The following DEAF1 variants were observed in gnomAD, a reference collection of about 807,000 sequenced individuals.
DEAF1 encodes the protein DEAF1 transcription factor, also known as deformed epidermal autoregulatory factor 1 homolog.
A neutral mutation model predicts 58.9 loss-of-function variants in DEAF1; 53 were observed. The observed-to-expected ratio is 0.90, with a 90% CI of 0.72 to 1.13. The LOEUF is 1.13. Among genes scored for constraint, DEAF1 ranks in the 50% most tolerant of loss-of-function variants. DEAF1 has a pLI of 0.00. For synonymous variants in DEAF1, 385 were observed against 340.4 expected, an observed-to-expected ratio of 1.13 and a Z score of -1.44; for missense variants, 685 against 791.4, an observed-to-expected ratio of 0.87 and a Z score of 1.61.
chr11:677,748 T>A (rs1456417628), intron 9 of DEAF1, among the ~76,000 whole-genome samples: 2,880 of 52,808 alleles, frequency 0.055, 460 homozygotes, highest in East Asian at 0.14. Context: ...AGGTCAGGAG[T>A]TTGAGACCAG....
chr11:702,170 A>G (rs1175109961), intron 1 of DEAF1, among the ~76,000 whole-genome samples: 3 of 152,100 alleles, frequency 2.0e-5, no homozygotes, highest in African/African-American at 4.8e-5. Flanking sequence ...GGCCTCAGAC[A>G]CACTAGGAGG....
upstream of DEAF1, among the ~76,000 whole-genome samples, chr11:696,870 G>C (rs549341920): frequency 1.9e-4 from 29 of 149,542 alleles, no homozygotes; most frequent in Non-Finnish European, 8.9e-5. Flanking sequence ...ACCTGAGGTC[G>C]AGGGTTCAAG....
chr11:691,449 G>GC (rs1006670567), intron 2 of DEAF1, 52 bp downstream of exon 2: 1 of 1,543,630 alleles, frequency 6.5e-7, no homozygotes, highest in African/African-American at 1.4e-5. Flanking sequence ...GAAGCCGGAG[G>GC]CCCCCAGCGT....
At chr11:684,121 C>CT (rs1491443102) in intron 6 of DEAF1, among the ~76,000 whole-genome samples, 2 of 96,990 alleles carry the variant, frequency 2.1e-5, no homozygotes, top group Admixed American at 1.1e-4. Flanking sequence ...TCTCTCCATG[C>CT]TCTTTTTTTT....
intron 10 of DEAF1, among the ~76,000 whole-genome samples, chr11:660,642 C>A (rs1859280544): frequency 6.6e-6 from 1 of 152,232 alleles, no homozygotes; most frequent in Non-Finnish European, 1.5e-5. Flanking sequence ...CGCCAGCAAC[C>A]CTCGCTCACT....
rs896434325 is a variant in DEAF1, at chr11:644,271, G to A, written c.*279C>T. On this transcript the variant is annotated 3_prime_UTR_variant, in exon 12 of 12. Transcript: ENST00000382409. This position sits in a 1 kb window ranked among gnomAD's most constrained non-coding sequence, Gnocchi z 4.3. ...CTTTATTGACAGACACAACACGTATGTATGTGCGTCGCAGCACAGGCCCTG... is the reference window on the plus strand; with the variant it reads ...CTTTATTGACAGACACAACACGTATATATGTGCGTCGCAGCACAGGCCCTG... 5.5e-6 allele frequency: 3 copies of A among 549,524 alleles called. No homozygotes were observed. The highest frequency in any genetic ancestry group is 9.9e-6 in the Non-Finnish European group (3 of 303,312). The allele number at this position is 549,524 out of a possible 1,614,324, so 34.0% of individuals were successfully genotyped here.
rs769130155 is a variant in DEAF1 at position 644,555 on chromosome 11, C to A, written c.1693G>T (p.Val565Leu). ...VAESVMEKVTV is the reference protein window; with the variant it reads ...VAESVMEKVTL The stretch of plus-strand genomic sequence containing the variant: ...CCAGGGCGGCCGATGGAGCCTCACA[C>A]GGTCACCTTCTCCATCACGCTTTCA... The change falls in exon 12 of 12, where the codon GTG becomes TTG. Residue 565 changes from valine (V) to leucine (L), a missense_variant. Coordinates refer to ENST00000382409, the MANE Select transcript of DEAF1 (RefSeq NM_021008.4). The surrounding 1 kb of genome is among the most constrained non-coding windows in gnomAD (Gnocchi z 4.3). 6.2e-7 allele frequency: 1 copy of A among 1,612,408 alleles called. No homozygotes were observed. Among genetic ancestry groups the A allele is most frequent in the Non-Finnish European group, 8.5e-7 (1 of 1,179,786 alleles).
chr11:698,807 C>A, upstream of DEAF1: 1 of 1,601,676 alleles, frequency 6.2e-7, no homozygotes, highest in Non-Finnish European at 8.6e-7. Context: ...CAGTGTGGAG[C>A]GAGACCCGGG....
At chr11:682,546 GCT>G (rs1051489840) in intron 6 of DEAF1, among the ~76,000 whole-genome samples, 8 of 152,116 alleles carry the variant, frequency 5.3e-5, no homozygotes, top group Non-Finnish European at 7.4e-5. Flanking sequence ...GGGCTTTGGA[GCT>G]CTCTGTTCTT....
Position 694,901 on chromosome 11 carries a change from C to T in DEAF1, c.147G>A (p.Glu49=), listed in dbSNP as rs761589854. The T allele has an allele frequency of 1.5e-5, 22 of 1,495,244 alleles. 1 individual carries two copies. Among genetic ancestry groups the T allele is most frequent in the South Asian group, 1.4e-4 (11 of 79,552 alleles). The allele number at this position is 1,495,244 out of a possible 1,614,324, so 92.6% of individuals were successfully genotyped here. ...EPVLSRDEDS[E]EDADSEAERE... The stretch of plus-strand genomic sequence containing the variant: ...GCTCCGCCTCCGAGTCTGCGTCCTC[C>T]TCCGAGTCCTCGTCCCTGCTCAGCA... Residue 49 remains glutamate, a synonymous_variant, in exon 1 of 12, where the codon GAG becomes GAA. Coordinates refer to ENST00000382409, the MANE Select transcript of DEAF1 (RefSeq NM_021008.4).
chr11:680,952 C>A lies in DEAF1; in HGVS notation c.997+11G>T. 6.2e-7 allele frequency: 1 copy of A among 1,614,114 alleles called. No individual in the cohort carries two copies. Among genetic ancestry groups the A allele is most frequent in the Non-Finnish European group, 8.5e-7 (1 of 1,180,010 alleles). Reference sequence around the variant, plus strand: ...CCTCAGTAAACTAGAGCTGTGTTTTCTCAAACTCACAGGTGGTAGCCGCGG... The same window carrying A: ...CCTCAGTAAACTAGAGCTGTGTTTTATCAAACTCACAGGTGGTAGCCGCGG... On this transcript the variant is annotated intron_variant, in intron 7 of 11. Transcript: ENST00000382409.
chr11:662,495 C>T (rs762247079), intron 10 of DEAF1, among the ~76,000 whole-genome samples: 37 of 151,992 alleles, frequency 2.4e-4, no homozygotes, highest in Admixed American at 1.4e-3. Context: ...CGCCAACATG[C>T]GACCACCTTC....
intron 8 of DEAF1, among the ~76,000 whole-genome samples, chr11:679,473 ATC>A (rs1860240473): frequency 6.6e-6 from 1 of 152,228 alleles, no homozygotes; most frequent in Non-Finnish European, 1.5e-5. Flanking sequence ...CAGTTCTGGC[ATC>A]TGTCACAAGT....
Position 687,894 on chromosome 11 carries a change from G to A in DEAF1, c.664+17C>T, listed in dbSNP as rs752964249. ...AAAGGGGAATACAACTTTGGAGTCT[G>A]AAGTGGCAGTCCTCACCTGAGCCGA... On this transcript the variant is annotated intron_variant, in intron 4 of 11. Transcript: ENST00000382409. 4.0e-5 allele frequency: 65 copies of A among 1,614,038 alleles called. 1 individual carries two copies. The East Asian group carries it at 4.2e-4, about 11-fold the overall frequency.
rs1284646521 is a variant in DEAF1 at position 695,133 on chromosome 11, A to T, written c.-86T>A. On this transcript the variant is annotated 5_prime_UTR_variant, in exon 1 of 12. Transcript: ENST00000382409. ...GAGCCCGAAGCGGGGCCCGAAGAGG[A>T]CGCCCGAGCTGGGCCGAGGCCGCCC... 1 of 1,263,412 alleles carries T rather than the reference A, an allele frequency of 7.9e-7. No homozygotes were observed. The highest frequency in any genetic ancestry group is 1.6e-5 in the African/African-American group (1 of 61,786). The allele number at this position is 1,263,412 out of a possible 1,614,324, so 78.3% of individuals were successfully genotyped here.
intron 10 of DEAF1, among the ~76,000 whole-genome samples, chr11:669,175 T>G (rs1407955097): frequency 6.8e-6 from 1 of 148,144 alleles, no homozygotes. Flanking sequence ...ATGTCCAGGC[T>G]TGTCTCAAAC....
intron 9 of DEAF1, 88 bp from the exon 10 acceptor site, chr11:674,871 G>A (rs1389802091): frequency 1.8e-5 from 29 of 1,573,558 alleles, no homozygotes; most frequent in South Asian, 1.5e-4. Context: ...TCAGCCGGGC[G>A]CGGTGGCTCA....
chr11:706,019 G>C (rs1861697136), intron 1 of DEAF1: 1 of 152,268 alleles, frequency 6.6e-6, no homozygotes, highest in South Asian at 2.1e-4. Flanking sequence ...TGGGGCTGGA[G>C]CCCAGGCGGG....
At chr11:703,461 C>G in intron 1 of DEAF1, 1 of 1,270,380 alleles carries the variant, frequency 7.9e-7, no homozygotes, top group Non-Finnish European at 9.9e-7. Flanking sequence ...CAGGCCTCCA[C>G]AGACCCCCAT....
Sources: allele counts gnomAD v4.1 joint callset (sites outside exome capture counted in the v4.1 genomes callset), GRCh38; gene constraint gnomAD v4.1.1; non-coding constraint Gnocchi (gnomAD v3.1); transcripts MANE v1.5; gene names NCBI Gene and HGNC (gene_info 2026-07-23, HGNC 2026-07-21).